CAMTA1: variants seen among roughly 807,000 people sequenced by gnomAD.
The protein encoded by CAMTA1 is calmodulin binding transcription activator 1.
CAMTA1 carries 27 observed loss-of-function variants against 170.9 expected under a neutral mutation model. The observed-to-expected ratio is 0.16, with a 90% CI of 0.12 to 0.22. The LOEUF is 0.22. CAMTA1 is among the 10% of genes least tolerant of loss of function. The pLI is 1.00. For synonymous variants in CAMTA1, 833 were observed against 891.5 expected, an observed-to-expected ratio of 0.93 and a Z score of 1.17; for missense variants, 1,619 against 2,217.2, an observed-to-expected ratio of 0.73 and a Z score of 5.42.
At chr1:7,476,823 G>A (rs17030961) in intron 6 of CAMTA1, among the ~76,000 whole-genome samples, 1,883 of 152,318 alleles carry the variant, frequency 0.012, 45 homozygotes, top group African/African-American at 0.044. Context: ...GTCACCAGTA[G>A]CAATAACAAC....
chr1:7,411,750 TTTTTA>T (rs1227860937), intron 5 of CAMTA1, among the ~76,000 whole-genome samples: 1 of 152,140 alleles, frequency 6.6e-6, no homozygotes, highest in East Asian at 1.9e-4. Context: ...GCTTTTCCTT[TTTTTA>T]TTTTATTTTA....
intron 3 of CAMTA1, among the ~76,000 whole-genome samples, chr1:7,088,175 C>G (rs1640994837): frequency 6.6e-6 from 1 of 152,210 alleles, no homozygotes; most frequent in African/African-American, 2.4e-5. Flanking sequence ...GAGCCTGGGC[C>G]TGTGCATCAG....
rs1040194011 is a variant in CAMTA1 at position 6,918,893 on chromosome 1, C to T, written c.234+93683C>T. 7.2e-5 allele frequency among the ~76,000 whole-genome samples: 11 copies of T among 152,170 alleles called. No homozygotes were observed. Among genetic ancestry groups the T allele is most frequent in the African/African-American group, 2.7e-4 (11 of 41,446 alleles). On this transcript the variant is annotated intron_variant, in intron 3 of 22. Coordinates refer to ENST00000303635, the MANE Select transcript of CAMTA1 (RefSeq NM_015215.4). This position sits in a 1 kb window ranked among gnomAD's most constrained non-coding sequence, Gnocchi z 4.0. ...GCAGAACTAGCCGCTCTCATGGCCT[C>T]AAATTCAAGGGTGTGGCCGCTCCAA...
intron 4 of CAMTA1, among the ~76,000 whole-genome samples, chr1:7,231,394 G>T (rs1662800936): frequency 6.6e-6 from 1 of 151,852 alleles, no homozygotes; most frequent in Non-Finnish European, 1.5e-5. Context: ...TTTTGAAAGA[G>T]TCTCGCTCTG....
At chr1:6,930,631 C>A (rs768754307) in intron 3 of CAMTA1, among the ~76,000 whole-genome samples, 2 of 152,182 alleles carry the variant, frequency 1.3e-5, no homozygotes, top group Non-Finnish European at 2.9e-5. Flanking sequence ...GCTGTACCCC[C>A]CTTTGTCCTA....
Position 7,738,248 on chromosome 1 carries a change from G to A in CAMTA1, c.3948G>A (p.Gln1316=). 2 of 1,614,074 alleles carry A rather than the reference G, an allele frequency of 1.2e-6. No homozygotes were observed. The highest frequency in any genetic ancestry group is 1.7e-6 in the Non-Finnish European group (2 of 1,180,034). The change falls in exon 16 of 23, where the codon CAG becomes CAA. Residue 1316 remains glutamine (Q), a synonymous_variant. Coordinates refer to ENST00000303635, the MANE Select transcript of CAMTA1 (RefSeq NM_015215.4). This position sits in a 1 kb window ranked among gnomAD's most constrained non-coding sequence, Gnocchi z 4.9. ...ETAAFQASGS[Q]PVGKWNSKDL... ...CAGCATTTCAAGCCTCTGGATCTCA[G>A]CCTGTAGGAAAGTGGAATTCCAAAG...
At chr1:7,357,716 G>A (rs969467223) in intron 5 of CAMTA1, among the ~76,000 whole-genome samples, 5 of 152,068 alleles carry the variant, frequency 3.3e-5, no homozygotes, top group African/African-American at 1.2e-4. Flanking sequence ...AGATGTCCTC[G>A]TCCATGTGTG....
intron 5 of CAMTA1, among the ~76,000 whole-genome samples, chr1:7,304,438 TAGAAG>T (rs1407240707): frequency 6.6e-6 from 1 of 152,240 alleles, no homozygotes; most frequent in Non-Finnish European, 1.5e-5. Context: ...AAATAAATTA[TAGAAG>T]AGGACAGTTT....
chr1:7,578,034 G>A (rs2095218475), intron 6 of CAMTA1, among the ~76,000 whole-genome samples: 2 of 152,204 alleles, frequency 1.3e-5, no homozygotes, highest in South Asian at 2.1e-4. Flanking sequence ...TTCCCAGACT[G>A]TTTAATATGT....
At chr1:6,956,947 A>G (rs561563675) in intron 3 of CAMTA1, among the ~76,000 whole-genome samples, 14 of 152,326 alleles carry the variant, frequency 9.2e-5, no homozygotes, top group Non-Finnish European at 1.6e-4. Context: ...TCGGGCCAGC[A>G]TGGCCTTGGT....
chr1:7,596,083 A>T (rs2095397327), intron 6 of CAMTA1, among the ~76,000 whole-genome samples: 1 of 152,142 alleles, frequency 6.6e-6, no homozygotes, highest in Non-Finnish European at 1.5e-5. Context: ...GTCCTTGAAG[A>T]TGGGTGGAAA....
intron 3 of CAMTA1, among the ~76,000 whole-genome samples, chr1:7,021,303 C>T (rs1298581835): frequency 6.6e-6 from 1 of 152,212 alleles, no homozygotes; most frequent in Non-Finnish European, 1.5e-5. Flanking sequence ...GGGCTGGAGC[C>T]TGCACCTGAA....
rs139495443 is a variant in CAMTA1 at position 7,436,430 on chromosome 1, C to G, written c.439-31400C>G. On this transcript the variant is annotated intron_variant, in intron 5 of 22. Transcript: ENST00000303635. The stretch of plus-strand genomic sequence containing the variant: ...GCTAGGCTTGGAGGGGTGCTTCTGT[C>G]CTAGCACTAAGCACCTGGAGGGGTG... Among the ~76,000 whole-genome samples, 49 of 152,296 alleles carry G rather than the reference C, an allele frequency of 3.2e-4. 1 individual carries two copies. The highest frequency in any genetic ancestry group is 5.9e-4 in the Non-Finnish European group (40 of 68,014).
intron 4 of CAMTA1, among the ~76,000 whole-genome samples, chr1:7,182,477 G>A (rs1307536085): frequency 2.7e-5 from 4 of 147,866 alleles, no homozygotes; most frequent in African/African-American, 1.0e-4. Context: ...CTGGGTGACA[G>A]AGTGAACACC....
intron 22 of CAMTA1, among the ~76,000 whole-genome samples, chr1:7,758,585 G>C (rs2096949102): frequency 6.6e-6 from 1 of 152,214 alleles, no homozygotes; most frequent in South Asian, 2.1e-4. Context: ...TTAGTCTTGG[G>C]AGGCAGAGCA....
At chr1:7,122,972 G>A (rs563107701) in intron 4 of CAMTA1, among the ~76,000 whole-genome samples, 1 of 152,240 alleles carries the variant, frequency 6.6e-6, no homozygotes, top group East Asian at 1.9e-4. Context: ...TCACATTCCT[G>A]TCGAAGCCCT....
intron 3 of CAMTA1, among the ~76,000 whole-genome samples, chr1:6,905,557 CCT>C (rs1678262832): frequency 6.6e-6 from 1 of 152,068 alleles, no homozygotes; most frequent in South Asian, 2.1e-4. Context: ...GCCCCGCTTC[CCT>C]CTCATAATAA....
chr1:6,922,390 G>T (rs1682207355), intron 3 of CAMTA1, among the ~76,000 whole-genome samples: 2 of 86,540 alleles, frequency 2.3e-5, no homozygotes, highest in South Asian at 6.7e-4. Flanking sequence ...TGGTTCTGGG[G>T]CTGGCCCAAG....
chr1:7,310,679 TC>T (rs1676489382), intron 5 of CAMTA1, among the ~76,000 whole-genome samples: 1 of 18,882 alleles, frequency 5.3e-5, no homozygotes, highest in Non-Finnish European at 1.0e-4. Flanking sequence ...TTCCTTTCTT[TC>T]TCTCTCTCTC....
Sources: allele counts gnomAD v4.1 joint callset (sites outside exome capture counted in the v4.1 genomes callset), GRCh38; gene constraint gnomAD v4.1.1; non-coding constraint Gnocchi (gnomAD v3.1); transcripts MANE v1.5; gene names NCBI Gene and HGNC (gene_info 2026-07-23, HGNC 2026-07-21).